Variants in GPM6A observed in about 807,000 individuals in gnomAD.
GPM6A encodes glycoprotein M6A.
In GPM6A, 7 loss-of-function variants were observed where a neutral mutation model predicts 32.1. The ratio of observed to expected loss-of-function variants is 0.22; its 90% CI spans 0.12 to 0.41. The LOEUF is 0.41. Among genes scored for constraint, GPM6A ranks in the 10% least tolerant of loss-of-function variants. The pLI is 1.00. For synonymous variants in GPM6A, 130 were observed against 123.4 expected, an observed-to-expected ratio of 1.05 and a Z score of -0.35; for missense variants, 235 against 347.2, an observed-to-expected ratio of 0.68 and a Z score of 2.57.
intron 1 of GPM6A, among the ~76,000 whole-genome samples, chr4:175,708,296 T>A (rs1435176933): frequency 6.6e-6 from 1 of 152,216 alleles, no homozygotes; most frequent in Non-Finnish European, 1.5e-5. Flanking sequence ...ATAACTGTGA[T>A]GACATTTGTG....
chr4:175,637,293 T>C (rs1579324260), intron 6 of GPM6A, among the ~76,000 whole-genome samples: 2 of 50,100 alleles, frequency 4.0e-5, no homozygotes, highest in South Asian at 7.5e-4. Context: ...ATATAAAATA[T>C]ATATTATATA....
chr4:175,950,786 T>A (rs553012015), intron 1 of GPM6A, among the ~76,000 whole-genome samples: 1 of 152,326 alleles, frequency 6.6e-6, no homozygotes, highest in South Asian at 2.1e-4. Flanking sequence ...GTCATGATAT[T>A]TCTTGTCACC....
At chr4:175,893,198 C>A (rs1737698692) in intron 1 of GPM6A, among the ~76,000 whole-genome samples, 1 of 152,178 alleles carries the variant, frequency 6.6e-6, no homozygotes, top group African/African-American at 2.4e-5. Flanking sequence ...TACTTGTGGG[C>A]TGCTATCCAG....
intron 1 of GPM6A, among the ~76,000 whole-genome samples, chr4:175,710,173 T>A (rs944598692): frequency 6.6e-6 from 1 of 152,176 alleles, no homozygotes; most frequent in African/African-American, 2.4e-5. Context: ...ATGATTATTT[T>A]GTTTCATTAA....
chr4:175,795,905 G>C (rs937660084), intron 1 of GPM6A: 1 of 152,330 alleles, frequency 6.6e-6, no homozygotes, highest in African/African-American at 2.4e-5. Context: ...TGTGGTACAG[G>C]ACCAGGCCTG....
At chr4:175,783,728 A>G (rs891163227) in intron 1 of GPM6A, among the ~76,000 whole-genome samples, 5 of 151,520 alleles carry the variant, frequency 3.3e-5, no homozygotes, top group African/African-American at 1.2e-4. Flanking sequence ...ATGGATTTCA[A>G]TTTTGTCACA....
chr4:175,783,767 AT>A (rs67429682), intron 1 of GPM6A, among the ~76,000 whole-genome samples: 64,811 of 151,396 alleles, frequency 0.43, 15,503 homozygotes, highest in East Asian at 0.87. Flanking sequence ...AGACAAAAAA[AT>A]AGAAAAATAA....
At chr4:175,756,227 C>A (rs1579463823) in intron 1 of GPM6A, among the ~76,000 whole-genome samples, 1 of 151,980 alleles carries the variant, frequency 6.6e-6, no homozygotes, top group Non-Finnish European at 1.5e-5. Context: ...CTGAAGGATC[C>A]TAAGCATAGG....
intron 1 of GPM6A, among the ~76,000 whole-genome samples, chr4:175,956,441 C>A (rs1739987704): frequency 6.6e-6 from 1 of 152,098 alleles, no homozygotes; most frequent in African/African-American, 2.4e-5. Flanking sequence ...TTAATCTCTT[C>A]TTTTTATTTG....
chr4:175,989,886 A>G (rs1350864741), intron 1 of GPM6A, among the ~76,000 whole-genome samples: 4 of 152,164 alleles, frequency 2.6e-5, no homozygotes, highest in South Asian at 2.1e-4. Context: ...CATCTATAAG[A>G]GTCATCCTCT....
chr4:175,767,030 T>C (rs1055748782), intron 1 of GPM6A, among the ~76,000 whole-genome samples: 2 of 152,144 alleles, frequency 1.3e-5, no homozygotes, highest in African/African-American at 4.8e-5. Context: ...ATCCATTGTT[T>C]CAGCCATTGC....
chr4:175,905,644 C>A (rs987126312), intron 1 of GPM6A, among the ~76,000 whole-genome samples: 2 of 152,064 alleles, frequency 1.3e-5, no homozygotes, highest in Non-Finnish European at 2.9e-5. Context: ...TACTGTTTCT[C>A]AGTTGCCTTC....
chr4:175,753,192 C>A (rs1265804781), intron 1 of GPM6A, among the ~76,000 whole-genome samples: 1 of 151,936 alleles, frequency 6.6e-6, no homozygotes, highest in East Asian at 1.9e-4. Context: ...TTATTCTTAA[C>A]CAGAAAAAGA....
chr4:175,949,971 G>A (rs62340585), intron 1 of GPM6A, among the ~76,000 whole-genome samples: 25,669 of 152,070 alleles, frequency 0.17, 2,384 homozygotes, highest in Non-Finnish European at 0.21. Context: ...GAAAGATAAA[G>A]TTCTTAGTAA....
chr4:175,888,815 G>C (rs1737543230), intron 1 of GPM6A, among the ~76,000 whole-genome samples: 1 of 152,012 alleles, frequency 6.6e-6, no homozygotes, highest in African/African-American at 2.4e-5. Context: ...AGGATTCCAA[G>C]GATTCCAAGG....
intron 1 of GPM6A, among the ~76,000 whole-genome samples, chr4:175,974,689 T>C (rs898428804): frequency 6.6e-6 from 1 of 152,102 alleles, no homozygotes; most frequent in Non-Finnish European, 1.5e-5. Context: ...TCCTTTATTT[T>C]ATTTTATTTT....
intron 1 of GPM6A, among the ~76,000 whole-genome samples, chr4:175,753,008 C>T (rs908898960): frequency 2.6e-5 from 4 of 152,240 alleles, no homozygotes; most frequent in East Asian, 1.9e-4. Context: ...TATTCCCATG[C>T]GCTGAAACAT....
At chr4:175,710,997 T>A (rs1745497437) in intron 1 of GPM6A, among the ~76,000 whole-genome samples, 1 of 152,158 alleles carries the variant, frequency 6.6e-6, no homozygotes, top group African/African-American at 2.4e-5. Context: ...CCTGCTGCTG[T>A]CTGCAGTGCT....
In GPM6A at chr4:175,958,017, C is replaced by T. The variant is rs547063221; in HGVS notation, c.-23+44292G>A. ...AAACAATTCTCCTGCCTCAGCCTCCCGAGTAGCTGGGATTCCAGGCACCCA... is the reference window on the plus strand; with the variant it reads ...AAACAATTCTCCTGCCTCAGCCTCCTGAGTAGCTGGGATTCCAGGCACCCA... On this transcript the variant is annotated intron_variant, in intron 1 of 7. Coordinates refer to the GPM6A transcript ENST00000280187. Among the ~76,000 whole-genome samples, 794 of 152,270 alleles carry T rather than the reference C, an allele frequency of 5.2e-3. 2 individuals carry two copies. Among genetic ancestry groups the T allele is most frequent in the African/African-American group, 0.018 (731 of 41,558 alleles).
Sources: allele counts gnomAD v4.1 joint callset (sites outside exome capture counted in the v4.1 genomes callset), GRCh38; gene constraint gnomAD v4.1.1; transcripts MANE v1.5; gene names NCBI Gene and HGNC (gene_info 2026-07-23, HGNC 2026-07-21).